CALN1: variants seen among roughly 807,000 people sequenced by gnomAD.
CALN1 encodes the protein calcium-binding protein 8.
A neutral mutation model predicts 30.6 loss-of-function variants in CALN1; 17 were observed. The ratio of observed to expected loss-of-function variants is 0.56; its 90% CI spans 0.38 to 0.83. The LOEUF (loss-of-function observed/expected upper bound fraction) is 0.83. Among genes scored for constraint, CALN1 ranks in the 40% least tolerant of loss-of-function variants. The pLI is 0.00. For synonymous variants in CALN1, 156 were observed against 131.4 expected (o/e 1.19, Z -1.28); for missense variants, 291 against 354.9 (o/e 0.82, Z 1.45).
At position 72,249,766 on chromosome 7, in the gene CALN1, GTC is replaced by G. The variant is rs1322566384; in HGVS notation, c.244+28918_244+28919del. Among the ~76,000 whole-genome samples, 3 of 152,214 alleles carry G rather than the reference GTC, an allele frequency of 2.0e-5. No individual in the cohort carries two copies. In the East Asian group the frequency reaches 5.8e-4, roughly 29 times the overall value. On this transcript the variant is annotated intron_variant, in intron 3 of 6. Transcript: ENST00000395275. ...AGCCTTGTCAACATGGCTAAAGCCTGTCTCTACAAAAAATACAAAAATTAGCT... is the reference window on the plus strand; with the variant it reads ...AGCCTTGTCAACATGGCTAAAGCCTGTCTACAAAAAATACAAAAATTAGCT...
chr7:72,381,911 GAA>G (rs1048789157), intron 2 of CALN1, among the ~76,000 whole-genome samples: 6 of 152,164 alleles, frequency 3.9e-5, no homozygotes, highest in Non-Finnish European at 8.8e-5. Context: ...CAAACCCATA[GAA>G]GAGAGGATAT....
chr7:72,226,972 A>G (rs924847839), intron 3 of CALN1, among the ~76,000 whole-genome samples: 1 of 148,604 alleles, frequency 6.7e-6, no homozygotes, highest in African/African-American at 2.4e-5. Context: ...GAAGACAGAG[A>G]CTGCAGTGAG....
At chr7:72,200,419 G>A (rs1791337443) in intron 3 of CALN1, among the ~76,000 whole-genome samples, 1 of 152,192 alleles carries the variant, frequency 6.6e-6, no homozygotes, top group Non-Finnish European at 1.5e-5. Context: ...ACCATAGTGA[G>A]CACTCAGTTT....
At chr7:72,141,507 G>A (rs746648030) in intron 3 of CALN1, among the ~76,000 whole-genome samples, 12 of 151,926 alleles carry the variant, frequency 7.9e-5, no homozygotes, top group Non-Finnish European at 1.2e-4. Context: ...GCCTATGCAC[G>A]TGTCCCAAAA....
intron 3 of CALN1, among the ~76,000 whole-genome samples, chr7:72,155,140 G>A (rs747621584): frequency 1.3e-5 from 2 of 152,190 alleles, no homozygotes; most frequent in Admixed American, 1.3e-4. Flanking sequence ...TGCATGCCCA[G>A]AGGGAAGGAC....
At chr7:72,346,363 T>A (rs949133798) in intron 2 of CALN1, among the ~76,000 whole-genome samples, 1 of 152,136 alleles carries the variant, frequency 6.6e-6, no homozygotes, top group Non-Finnish European at 1.5e-5. Flanking sequence ...AAGTGATTTT[T>A]AAAAAAATAT....
chr7:72,266,047 T>C (rs1282973269), intron 3 of CALN1, among the ~76,000 whole-genome samples: 1 of 150,238 alleles, frequency 6.7e-6, no homozygotes, highest in African/African-American at 2.4e-5. Flanking sequence ...GGTGGGAGGG[T>C]CGCTTGAACC....
chr7:72,100,814 C>G (rs1265127656), intron 4 of CALN1, among the ~76,000 whole-genome samples: 3 of 104,186 alleles, frequency 2.9e-5, no homozygotes, highest in Non-Finnish European at 1.8e-5. Context: ...AGCGAGACTC[C>G]GTCTCACAAA....
At chr7:71,888,461 T>TA (rs543941509) in intron 5 of CALN1, among the ~76,000 whole-genome samples, 7,403 of 106,956 alleles carry the variant, frequency 0.069, 569 homozygotes, top group African/African-American at 0.19. Context: ...CATTTTTTCT[T>TA]AAAAAAAAAA....
In CALN1 at chr7:72,188,796, AAT is replaced by A. The variant is rs1208737509; in HGVS notation, c.245-82504_245-82503del. ...ATTAGGATAGAGCCGTTGTGTAGCT[AAT>A]ATAGTCTGAAAGCGTGTGTGTCCGT... On this transcript the variant is annotated intron_variant, in intron 3 of 6. Coordinates refer to ENST00000395275, the MANE Select transcript of CALN1 (RefSeq NM_031468.4). Among the ~76,000 whole-genome samples, 3 of 152,214 alleles carry A rather than the reference AAT, an allele frequency of 2.0e-5. 1 individual carries two copies. Among genetic ancestry groups the A allele is most frequent in the Admixed American group, 2.0e-4 (3 of 15,276 alleles).
intron 5 of CALN1, among the ~76,000 whole-genome samples, chr7:71,834,100 T>C (rs1789455072): frequency 6.7e-6 from 1 of 150,344 alleles, no homozygotes; most frequent in African/African-American, 2.5e-5. Flanking sequence ...TGCGTGCCTA[T>C]AGTCCCAGCT....
In CALN1 at chr7:71,954,895, A is replaced by T. The variant is rs189007541; in HGVS notation, c.501+68762T>A. Among the ~76,000 whole-genome samples, 155 of 152,312 alleles carry T rather than the reference A, an allele frequency of 1.0e-3. 1 individual carries two copies. The highest frequency in any genetic ancestry group is 3.5e-3 in the African/African-American group (145 of 41,566). On this transcript the variant is annotated intron_variant, in intron 5 of 6. Transcript: ENST00000395275. ...TTAACTCTTCTCTACAGGGGAACAG[A>T]CAGTTTCATTTGACTATTATTCTTC...
At chr7:72,338,965 C>G in intron 2 of CALN1, among the ~76,000 whole-genome samples, 1 of 147,466 alleles carries the variant, frequency 6.8e-6, no homozygotes, top group South Asian at 2.2e-4. Flanking sequence ...CCCCACCCAG[C>G]CCCCCTCACC....
intron 3 of CALN1, among the ~76,000 whole-genome samples, chr7:72,229,329 G>A (rs1177646616): frequency 6.6e-6 from 1 of 152,058 alleles, no homozygotes; most frequent in Non-Finnish European, 1.5e-5. Context: ...TAAAAAGATG[G>A]AAGAGGAAAG....
intron 2 of CALN1, among the ~76,000 whole-genome samples, chr7:72,289,350 G>A (rs1798316477): frequency 6.6e-6 from 1 of 152,152 alleles, no homozygotes; most frequent in African/African-American, 2.4e-5. Flanking sequence ...GAAGCTGGGA[G>A]GCCAATAACT....
chr7:71,892,770 A>G (rs1354350667), intron 5 of CALN1, among the ~76,000 whole-genome samples: 1 of 152,206 alleles, frequency 6.6e-6, no homozygotes, highest in Non-Finnish European at 1.5e-5. Context: ...GGCTTGAGAA[A>G]TATCTACTTC....
upstream of CALN1, among the ~76,000 whole-genome samples, chr7:72,414,397 G>A (rs1807357548): frequency 6.6e-6 from 1 of 152,178 alleles, no homozygotes. Context: ...GCTTCCCAGG[G>A]TCACACAGCT....
At chr7:71,939,774 A>G (rs984704507) in intron 5 of CALN1, among the ~76,000 whole-genome samples, 2 of 152,124 alleles carry the variant, frequency 1.3e-5, no homozygotes, top group African/African-American at 4.8e-5. Context: ...TTAAGGACAC[A>G]GAGGATACCT....
At chr7:72,314,583 T>A (rs1414690777) in intron 2 of CALN1, among the ~76,000 whole-genome samples, 1 of 151,292 alleles carries the variant, frequency 6.6e-6, no homozygotes, top group Non-Finnish European at 1.5e-5. Flanking sequence ...CCACCACACC[T>A]GGCTAATTTT....
Sources: gnomAD v4.1 joint callset for allele counts (sites outside exome capture counted in the v4.1 genomes callset) on GRCh38, gnomAD v4.1.1 for gene constraint, MANE v1.5 for transcripts, NCBI Gene and HGNC (gene_info 2026-07-23, HGNC 2026-07-21) for gene names.